The following TSHZ2 variants were observed in gnomAD, a reference collection of about 807,000 sequenced individuals.
TSHZ2 encodes the protein teashirt homolog 2.
In TSHZ2, 21 loss-of-function variants were observed where a neutral mutation model predicts 74.4. The observed-to-expected ratio is 0.28, with a 90% confidence interval of 0.20 to 0.41. The LOEUF is 0.41. Ranked by LOEUF, TSHZ2 falls within the 10% of genes least tolerant of loss-of-function variation. TSHZ2 has a pLI of 1.00. For missense variants in TSHZ2, 1,244 were observed against 1,293.5 expected, an observed-to-expected ratio of 0.96 and a Z score of 0.59; for synonymous variants, 540 against 515.3, an observed-to-expected ratio of 1.05 and a Z score of -0.65.
intron 1 of TSHZ2, among the ~76,000 whole-genome samples, chr20:53,161,263 C>A (rs1050053967): frequency 6.6e-6 from 1 of 151,404 alleles, no homozygotes; most frequent in African/African-American, 2.4e-5. Context: ...CTAGGCAGTG[C>A]AAAGATCCTG....
chr20:53,276,923 G>C (rs1990958732), intron 2 of TSHZ2, among the ~76,000 whole-genome samples: 1 of 152,176 alleles, frequency 6.6e-6, no homozygotes. Flanking sequence ...TGAGATCTTA[G>C]CTTACTGCAC....
At chr20:52,996,826 T>C (rs1444538577) in intron 1 of TSHZ2, among the ~76,000 whole-genome samples, 2 of 152,216 alleles carry the variant, frequency 1.3e-5, no homozygotes, top group Non-Finnish European at 2.9e-5. Flanking sequence ...CATCCAAAGC[T>C]GAGGTCCCTG....
intron 1 of TSHZ2, among the ~76,000 whole-genome samples, chr20:53,174,327 T>C (rs994251345): frequency 6.6e-6 from 1 of 152,208 alleles, no homozygotes; most frequent in African/African-American, 2.4e-5. Context: ...ATTCCTTGCC[T>C]TGAGCTTCAG....
intron 2 of TSHZ2, among the ~76,000 whole-genome samples, chr20:53,274,877 A>G (rs1227995508): frequency 6.6e-6 from 1 of 152,056 alleles, no homozygotes; most frequent in Non-Finnish European, 1.5e-5. Context: ...TAAGTCTTCT[A>G]GGTCCATTTC....
At chr20:53,437,559 G>A (rs892320316) in intron 2 of TSHZ2, among the ~76,000 whole-genome samples, 24 of 152,178 alleles carry the variant, frequency 1.6e-4, no homozygotes, top group African/African-American at 5.3e-4. Context: ...TCCTGGGAAG[G>A]TCAAGGGTGC....
intron 2 of TSHZ2, among the ~76,000 whole-genome samples, chr20:53,437,141 T>C (rs182249336): frequency 1.3e-5 from 2 of 152,310 alleles, no homozygotes; most frequent in Admixed American, 6.5e-5. Context: ...TGATTTATAA[T>C]CACGTGTGTG....
rs1168159150 is a variant in TSHZ2, at chr20:53,074,182, C to T, written c.40+100849C>T. The stretch of plus-strand genomic sequence containing the variant: ...CAAATGTCGCCTTCTCAATGGAGCC[C>T]TCCTTGACCACTCCCTTGTGAAGTT... On this transcript the variant is annotated intron_variant, in intron 1 of 2. Coordinates refer to ENST00000371497, the MANE Select transcript of TSHZ2 (RefSeq NM_173485.6). The surrounding 1 kb of genome is among the most constrained non-coding windows in gnomAD (Gnocchi z 5.9). 1.3e-5 allele frequency among the ~76,000 whole-genome samples: 2 copies of T among 152,214 alleles called. No individual in the cohort carries two copies. The highest frequency in any genetic ancestry group is 2.9e-5 in the Non-Finnish European group (2 of 68,042).
intron 1 of TSHZ2, among the ~76,000 whole-genome samples, chr20:53,024,747 T>G (rs1265659104): frequency 6.6e-6 from 1 of 152,134 alleles, no homozygotes; most frequent in Non-Finnish European, 1.5e-5. Context: ...ACATGCAGTG[T>G]TTCGTTTTCT....
intron 1 of TSHZ2, among the ~76,000 whole-genome samples, chr20:53,131,819 ACCCCC>A (rs34289663): frequency 0.12 from 11,646 of 95,594 alleles, 1,754 homozygotes; most frequent in African/African-American, 0.35. Context: ...TTGAATGACA[ACCCCC>A]CCCCCCCCCC....
At chr20:53,473,957 A>G (rs7361266) in intron 2 of TSHZ2, among the ~76,000 whole-genome samples, 30,329 of 151,548 alleles carry the variant, frequency 0.2, 3,193 homozygotes, top group East Asian at 0.29. Context: ...AGTTTAGAGA[A>G]AAAAGAATAA....
intron 1 of TSHZ2, among the ~76,000 whole-genome samples, chr20:53,112,306 T>C (rs1478001801): frequency 1.3e-5 from 2 of 152,144 alleles, no homozygotes; most frequent in African/African-American, 4.8e-5. Context: ...GATAAAATTA[T>C]TAAGAAGTTC....
intron 1 of TSHZ2, among the ~76,000 whole-genome samples, chr20:53,118,335 T>A (rs1338845881): frequency 6.6e-6 from 1 of 151,986 alleles, no homozygotes; most frequent in African/African-American, 2.4e-5. Context: ...AAAATCCTAG[T>A]GTCTTATGTG....
At chr20:53,182,415 C>A (rs1471549017) in intron 1 of TSHZ2, among the ~76,000 whole-genome samples, 1 of 152,166 alleles carries the variant, frequency 6.6e-6, no homozygotes, top group African/African-American at 2.4e-5. Context: ...TACTCTGATC[C>A]ATGCAAAAGT....
chr20:53,358,333 T>C (rs1980925982), intron 2 of TSHZ2, among the ~76,000 whole-genome samples: 3 of 139,864 alleles, frequency 2.1e-5, no homozygotes, highest in Admixed American at 7.0e-5. Context: ...GTGGTTCTTT[T>C]TTTTTTTTTT....
intron 1 of TSHZ2, among the ~76,000 whole-genome samples, chr20:52,983,443 G>T (rs932233409): frequency 6.6e-6 from 1 of 152,166 alleles, no homozygotes; most frequent in Non-Finnish European, 1.5e-5. Flanking sequence ...CCTTGGCACC[G>T]TTTAGGCAGT....
chr20:53,195,215 C>A (rs1988832452), intron 1 of TSHZ2, among the ~76,000 whole-genome samples: 1 of 152,056 alleles, frequency 6.6e-6, no homozygotes, highest in African/African-American at 2.4e-5. Context: ...TGGGCGTGCT[C>A]ACCTACCAGA....
intron 1 of TSHZ2, among the ~76,000 whole-genome samples, chr20:53,218,951 C>T (rs1351727610): frequency 5.3e-5 from 8 of 152,182 alleles, no homozygotes; most frequent in Non-Finnish European, 1.0e-4. Context: ...CTACCTAATA[C>T]AGACTTAATC....
intron 1 of TSHZ2, among the ~76,000 whole-genome samples, chr20:53,217,795 C>T (rs1350404726): frequency 6.6e-6 from 1 of 152,214 alleles, no homozygotes; most frequent in Non-Finnish European, 1.5e-5. Flanking sequence ...CTGGTTTACA[C>T]AGAGTTATCT....
intron 1 of TSHZ2, among the ~76,000 whole-genome samples, chr20:53,065,396 T>C (rs2123178667): frequency 6.6e-6 from 1 of 152,172 alleles, no homozygotes; most frequent in East Asian, 1.9e-4. Context: ...CTCAAAGAGC[T>C]GCAGAAGGAA....
Sources: allele counts gnomAD v4.1 joint callset (sites outside exome capture counted in the v4.1 genomes callset), GRCh38; gene constraint gnomAD v4.1.1; non-coding constraint Gnocchi (gnomAD v3.1); transcripts MANE v1.5; gene names NCBI Gene and HGNC (gene_info 2026-07-23, HGNC 2026-07-21).